The following USP11 variants were observed in gnomAD, a reference collection of about 807,000 sequenced individuals.
USP11 encodes ubiquitin specific peptidase 11.
USP11 carries 5 observed loss-of-function variants against 72.8 expected under a neutral mutation model. The ratio of observed to expected loss-of-function variants is 0.07; its 90% CI spans 0.04 to 0.14. The LOEUF (loss-of-function observed/expected upper bound fraction) is 0.14, where lower values mean the gene tolerates loss of function less well. Ranked by LOEUF, USP11 falls within the 10% of genes least tolerant of loss-of-function variation. The pLI is 1.00. For synonymous variants in USP11, 368 were observed against 326.5 expected (o/e 1.13, Z -1.37); for missense variants, 480 against 794.7 (o/e 0.60, Z 4.76).
intron 1 of USP11, among the ~76,000 whole-genome samples, chrX:47,235,473 C>T (rs1341479347): frequency 9.0e-6 from 1 of 111,051 alleles, no homozygotes; most frequent in Non-Finnish European, 1.9e-5. Flanking sequence ...TCCAGCCATT[C>T]CTCAAAATAC....
chrX:47,233,217 C>T lies in USP11; in HGVS notation c.174C>T (p.Ser58=), dbSNP rs918868275. 4.3e-6 allele frequency: 5 copies of T among 1,153,759 alleles called. No individual in the cohort carries two copies. In the African/African-American group the frequency reaches 9.1e-5, roughly 21 times the overall value. ...GRERPLRAGE[S]WFLVEKHWYK... The stretch of plus-strand genomic sequence containing the variant: ...AACGTCCACTGCGGGCCGGCGAAAG[C>T]TGGTGAGGCTGGGCTGCGGTGGAGC... The change falls in exon 1 of 21, where the codon AGC becomes AGT. Residue 58 remains serine, a splice_region_variant and synonymous_variant. Coordinates refer to ENST00000377107, the MANE Select transcript of USP11 (RefSeq NM_001371072.1).
chrX:47,240,834 C>T lies in USP11; in HGVS notation c.804C>T (p.Leu268=). ...DFKGQPGICG[L]TNLGNTCFMN... is the part of the protein sequence containing the mutation. ...AGGGTCAGCCAGGCATCTGTGGCCT[C>T]ACCAATCTGGGCAACACGTGCTTCA... Residue 268 remains leucine (L), a synonymous_variant, in exon 7 of 21, where the codon CTC becomes CTT. Coordinates refer to ENST00000377107, the MANE Select transcript of USP11 (RefSeq NM_001371072.1). 1 of 1,211,714 alleles carries T rather than the reference C, an allele frequency of 8.3e-7. No individual in the cohort carries two copies. The highest frequency in any genetic ancestry group is 1.8e-5 in the South Asian group (1 of 56,928).
At chrX:47,240,039 A>G (rs1397122983) in intron 4 of USP11, 132 bp downstream of exon 4, 15 of 763,367 alleles carry the variant, frequency 2.0e-5, no homozygotes, top group Non-Finnish European at 2.9e-5. Context: ...CCCAGAAGGC[A>G]TTGGCTAAGT....
intron 1 of USP11, among the ~76,000 whole-genome samples, chrX:47,238,007 C>T (rs939741986): frequency 2.3e-4 from 26 of 111,020 alleles, no homozygotes; most frequent in African/African-American, 7.9e-4. Context: ...CCTTGTAGTA[C>T]ATATAAGTTT....
At chrX:47,246,952 T>C in intron 17 of USP11, 120 bp from the exon 18 acceptor site, 5 of 927,656 alleles carry the variant, frequency 5.4e-6, no homozygotes, top group Non-Finnish European at 7.2e-6. Context: ...ACCCAGGAGG[T>C]GGAGGCTGCA....
rs759311678 is a variant in USP11, at chrX:47,239,344, C to T, written c.287-7C>T. On this transcript the variant is annotated splice_region_variant and splice_polypyrimidine_tract_variant and intron_variant, in intron 2 of 20. Transcript: ENST00000377107. ...CTTCCTCTGCCACCTCCACCCCCGC[C>T]CCACAGATGAGATAAACTGGCGCCT... 16 of 1,208,747 alleles carry T rather than the reference C, an allele frequency of 1.3e-5. No individual in the cohort carries two copies. The Admixed American group carries it at 3.5e-4, about 27-fold the overall frequency.
chrX:47,244,777 G>C lies in USP11; in HGVS notation c.1939G>C (p.Val647Leu). 3 of 1,210,184 alleles carry C rather than the reference G, an allele frequency of 2.5e-6. No homozygotes were observed. Among genetic ancestry groups the C allele is most frequent in the Non-Finnish European group, 3.4e-6 (3 of 895,028 alleles). The change falls in exon 15 of 21, where the codon GTC (valine) becomes CTC (leucine). Residue 647 changes from valine (V) to leucine (L), a missense_variant. Val to Leu is a conservative substitution (Grantham distance 32). This residue lies in a region of USP11 where 314 missense variants were observed against 556.0 expected (regional missense o/e 0.56). Coordinates refer to ENST00000377107, the MANE Select transcript of USP11 (RefSeq NM_001371072.1). ...AGAGCAGGCTGGGCCCAGCTCTGGAGTCACGAACAGGTGCCCGTTCCTCCT... is the reference window on the plus strand; with the variant it reads ...AGAGCAGGCTGGGCCCAGCTCTGGACTCACGAACAGGTGCCCGTTCCTCCT... ...EPEQAGPSSG[V>L]TNRCPFLLDN...
At position 47,245,422 on chromosome X, in the gene USP11, G is replaced by A. The variant is rs377241469; in HGVS notation, c.2210G>A (p.Arg737Gln). Residue 737 changes from arginine to glutamine, a missense_variant, in exon 17 of 21, where the codon CGG becomes CAG. Coordinates refer to ENST00000377107, the MANE Select transcript of USP11 (RefSeq NM_001371072.1). The part of the protein sequence containing the change: ...VGYVMKKAPV[R>Q]LQECIELFTT... Reference sequence around the variant, plus strand: ...TACGTGATGAAGAAGGCTCCCGTGCGGCTGCAGGAGTGCATTGAGCTCTTC... The same window carrying A: ...TACGTGATGAAGAAGGCTCCCGTGCAGCTGCAGGAGTGCATTGAGCTCTTC... 12 of 1,210,167 alleles carry A rather than the reference G, an allele frequency of 9.9e-6. No individual in the cohort carries two copies. The highest frequency in any genetic ancestry group is 3.5e-5 in the African/African-American group (2 of 57,242).
chrX:47,241,328 C>T lies in USP11; in HGVS notation c.898C>T (p.Leu300=). 3 of 1,211,647 alleles carry T rather than the reference C, an allele frequency of 2.5e-6. No individual in the cohort carries two copies. The highest frequency in any genetic ancestry group is 3.0e-5 in the East Asian group (1 of 33,839). The change falls in exon 8 of 21, where the codon CTG becomes TTG. Residue 300 remains leucine (L), a synonymous_variant. Coordinates refer to ENST00000377107, the MANE Select transcript of USP11 (RefSeq NM_001371072.1). The part of the protein sequence containing the change: ...LTEYFLNNCY[L]EELNFRNPLG... ...CGAGTACTTCCTCAACAACTGCTAC[C>T]TGGAGGAGCTCAACTTCCGCAACCC...
Position 47,239,193 on chromosome X carries a change from G to C in USP11, c.286+14G>C. The C allele has an allele frequency of 1.7e-6, 2 of 1,197,600 alleles. No individual in the cohort carries two copies. Among genetic ancestry groups the C allele is most frequent in the Non-Finnish European group, 2.3e-6 (2 of 886,322 alleles). On this transcript the variant is annotated intron_variant, in intron 2 of 20. Transcript: ENST00000377107. ...CACTCTTTCAAGGTACAAGGCCTTT[G>C]CCTCCTTCTCACCCTAGCCCTGGAG...
At chrX:47,235,215 C>T (rs2055366210) in intron 1 of USP11, among the ~76,000 whole-genome samples, 1 of 111,802 alleles carries the variant, frequency 8.9e-6, no homozygotes, top group South Asian at 3.7e-4. Flanking sequence ...CTGTATGCAT[C>T]CCTAAGCGGT....
At chrX:47,233,860 C>T (rs1198152132) in intron 1 of USP11, 1 of 88,052 alleles carries the variant, frequency 1.1e-5, no homozygotes, top group Non-Finnish European at 2.6e-5. Flanking sequence ...GTTTATGACG[C>T]GCCGTGGTTT....
intron 12 of USP11, among the ~76,000 whole-genome samples, chrX:47,243,037 G>A (rs1246013925): frequency 1.8e-5 from 2 of 112,009 alleles, no homozygotes; most frequent in African/African-American, 6.5e-5. Flanking sequence ...GCTGAAGCAG[G>A]CAGATCACGA....
In USP11 at chrX:47,247,705, A is replaced by AC. The variant is rs765289383; in HGVS notation, c.2625+7dup. 1 of 1,207,693 alleles carries AC rather than the reference A, an allele frequency of 8.3e-7. No individual in the cohort carries two copies. The highest frequency in any genetic ancestry group is 1.8e-5 in the African/African-American group (1 of 56,559). ...TCAATGAGAATCAGATCGAGGTGTG[A>AC]CTTCCATCCTACCTCCTCCCCTTCT... On this transcript the variant is annotated splice_region_variant and intron_variant, in intron 20 of 20. Coordinates refer to ENST00000377107, the MANE Select transcript of USP11 (RefSeq NM_001371072.1).
Position 47,241,687 on chromosome X carries a change from G to T in USP11, c.1167G>T (p.Gly389=). 8.4e-7 allele frequency: 1 copy of T among 1,194,054 alleles called. No individual in the cohort carries two copies. The highest frequency in any genetic ancestry group is 1.1e-6 in the Non-Finnish European group (1 of 887,997). ...ATGTGGAGCTGTGCGATGCTGCTGG[G>T]CGACCGGATCAGGTAGGCTGCCCCC... ...KEYVELCDAA[G]RPDQEVAQEA... Residue 389 remains glycine (G), a synonymous_variant, in exon 9 of 21, where the codon GGG becomes GGT. Transcript: ENST00000377107.
intron 11 of USP11, 22 bp from the exon 12 acceptor site, chrX:47,242,604 C>G: frequency 8.3e-7 from 1 of 1,205,385 alleles, no homozygotes; most frequent in Non-Finnish European, 1.1e-6. Flanking sequence ...CTAACAGTCC[C>G]CTCTCCATAT....
intron 1 of USP11, among the ~76,000 whole-genome samples, chrX:47,234,595 A>G (rs1002856992): frequency 3.1e-4 from 35 of 112,090 alleles, no homozygotes; most frequent in African/African-American, 8.4e-4. Context: ...AAATTTATAT[A>G]TGGCGAGGGG....
rs750688213 is a variant in USP11, at chrX:47,242,769, C to T, written c.1583+49C>T. ...GGTGGTTCCTCAGGAACTTGGTCCA[C>T]TTCCTTTTGTATGGTCCTGCCTTAA... On this transcript the variant is annotated intron_variant, in intron 12 of 20. Transcript: ENST00000377107. 4.4e-5 allele frequency: 44 copies of T among 1,005,633 alleles called. No individual in the cohort carries two copies. In the South Asian group the frequency reaches 6.7e-4, roughly 15 times the overall value. The allele number at this position is 1,005,633 out of a possible 1,213,427, so 82.9% of individuals were successfully genotyped here. A position where few individuals can be genotyped will look rare whatever the true frequency, so the allele number is the denominator to read the frequency against.
At chrX:47,237,528 G>A (rs1345540526) in intron 1 of USP11, among the ~76,000 whole-genome samples, 3 of 110,666 alleles carry the variant, frequency 2.7e-5, no homozygotes, top group African/African-American at 6.6e-5. Flanking sequence ...TGGGAGAATC[G>A]CTTGAACCCG....
Sources: allele counts gnomAD v4.1 joint callset (sites outside exome capture counted in the v4.1 genomes callset), GRCh38; gene constraint gnomAD v4.1.1; regional missense constraint gnomAD v4.1.1; transcripts MANE v1.5; gene names NCBI Gene and HGNC (gene_info 2026-07-23, HGNC 2026-07-21).